Variants in OPHN1 observed in about 807,000 individuals in gnomAD.
OPHN1 encodes the protein oligophrenin 1, also known as oligophrenin-1.
A neutral mutation model predicts 60.7 loss-of-function variants in OPHN1; 11 were observed. The observed-to-expected ratio is 0.18, with a 90% CI of 0.11 to 0.30. The LOEUF (loss-of-function observed/expected upper bound fraction) is 0.30, where lower values mean the gene tolerates loss of function less well. OPHN1 is among the 10% of genes least tolerant of loss of function. The pLI is 1.00. For synonymous variants in OPHN1, 226 were observed against 222.6 expected (o/e 1.02, Z -0.14); for missense variants, 449 against 611.0 (o/e 0.73, Z 2.80).
At chrX:68,325,440 T>C (rs1467819555) in intron 2 of OPHN1, among the ~76,000 whole-genome samples, 1 of 104,140 alleles carries the variant, frequency 9.6e-6, no homozygotes, top group Admixed American at 1.1e-4. Context: ...TCACAAACTA[T>C]TGAAAAAAGT....
At chrX:68,131,766 G>A (rs1014652994) in intron 15 of OPHN1, among the ~76,000 whole-genome samples, 2 of 111,509 alleles carry the variant, frequency 1.8e-5, no homozygotes, top group African/African-American at 3.3e-5. Context: ...TTTATGTCCC[G>A]GTAATAGAGA....
At chrX:68,256,506 C>G (rs2077864353) in intron 5 of OPHN1, among the ~76,000 whole-genome samples, 1 of 111,530 alleles carries the variant, frequency 9.0e-6, no homozygotes, top group South Asian at 3.8e-4. Flanking sequence ...ACCAAAGTCC[C>G]TGGAATCTTA....
intron 6 of OPHN1, among the ~76,000 whole-genome samples, chrX:68,234,037 G>A (rs1189304270): frequency 1.1e-5 from 1 of 89,930 alleles, no homozygotes; most frequent in East Asian, 3.6e-4. Context: ...TGAAGGCACT[G>A]CAAGTCCCAG....
intron 2 of OPHN1, among the ~76,000 whole-genome samples, chrX:68,423,938 G>A: frequency 9.0e-6 from 1 of 111,432 alleles, no homozygotes; most frequent in South Asian, 3.7e-4. Flanking sequence ...AGGCCGAGGT[G>A]GGCTGATCAC....
At chrX:68,101,154 T>C (rs2077057195) in intron 18 of OPHN1, among the ~76,000 whole-genome samples, 1 of 112,267 alleles carries the variant, frequency 8.9e-6, no homozygotes, top group Non-Finnish European at 1.9e-5. Flanking sequence ...ATGTCATGAA[T>C]TTCATCAGTC....
chrX:68,058,617 C>T (rs1026799197), intron 21 of OPHN1, among the ~76,000 whole-genome samples: 76 of 111,765 alleles, frequency 6.8e-4, no homozygotes, highest in African/African-American at 2.4e-3. Flanking sequence ...TCTCAAAGGG[C>T]CTCGAATACA....
chrX:68,336,184 A>T (rs905843659), intron 2 of OPHN1, among the ~76,000 whole-genome samples: 34 of 109,901 alleles, frequency 3.1e-4, no homozygotes, highest in Admixed American at 2.7e-3. Context: ...TAATTAATTA[A>T]TTTTTTTAAA....
At chrX:68,223,905 A>G (rs1202201677) in intron 6 of OPHN1, among the ~76,000 whole-genome samples, 1 of 111,641 alleles carries the variant, frequency 9.0e-6, no homozygotes, top group Non-Finnish European at 1.9e-5. Context: ...CTAAGAAGAC[A>G]TAACAATTCT....
In OPHN1 at chrX:68,106,104, A is replaced by AAGAG. The variant is rs35438846; in HGVS notation, c.1526+5746_1526+5749dup. Reference sequence around the variant, plus strand: ...GAGAAAAAGAGGGAGAGAGAGAGAGAAGAGAGAGAGAGAGAGAGAGATCCG... The same window carrying AAGAG: ...GAGAAAAAGAGGGAGAGAGAGAGAGAAGAGAGAGAGAGAGAGAGAGAGAGATCCG... On this transcript the variant is annotated intron_variant, in intron 18 of 24. Transcript: ENST00000355520. 2.5e-3 allele frequency among the ~76,000 whole-genome samples: 242 copies of AAGAG among 96,402 alleles called. 1 individual carries two copies. Among genetic ancestry groups the AAGAG allele is most frequent in the African/African-American group, 8.6e-3 (217 of 25,311 alleles). The allele number at this position is 96,402 out of a possible 115,157, so 83.7% of individuals were successfully genotyped here.
At chrX:68,145,945 G>T (rs2077262104) in intron 15 of OPHN1, among the ~76,000 whole-genome samples, 2 of 111,314 alleles carry the variant, frequency 1.8e-5, no homozygotes, top group East Asian at 5.7e-4. Flanking sequence ...TTAGCTTATT[G>T]TCTACAGCTG....
chrX:68,431,372 C>T (rs2078884836), intron 2 of OPHN1, among the ~76,000 whole-genome samples: 1 of 112,249 alleles, frequency 8.9e-6, no homozygotes, highest in African/African-American at 3.2e-5. Flanking sequence ...ATCAGAAGGG[C>T]TGCACAAGAA....
At chrX:68,378,254 C>G (rs1373182419) in intron 2 of OPHN1, among the ~76,000 whole-genome samples, 1 of 112,043 alleles carries the variant, frequency 8.9e-6, no homozygotes, top group Admixed American at 9.5e-5. Flanking sequence ...TGTTCATATC[C>G]TTCACCCACT....
intron 2 of OPHN1, among the ~76,000 whole-genome samples, chrX:68,426,147 A>G (rs1190787644): frequency 9.0e-6 from 1 of 111,144 alleles, no homozygotes; most frequent in Non-Finnish European, 1.9e-5. Context: ...TTCTTTTAAA[A>G]CATAAGTTTT....
intron 6 of OPHN1, among the ~76,000 whole-genome samples, chrX:68,226,395 G>C (rs1042906862): frequency 2.7e-5 from 3 of 110,543 alleles, no homozygotes; most frequent in South Asian, 3.9e-4. Flanking sequence ...CAAAGATACT[G>C]CTTGAGAAGA....
chrX:68,175,240 C>T (rs1044836956), intron 15 of OPHN1, among the ~76,000 whole-genome samples: 4 of 111,225 alleles, frequency 3.6e-5, no homozygotes, highest in African/African-American at 9.8e-5. Context: ...CAAATTTATA[C>T]TGCATACCTA....
chrX:68,337,528 G>GT (rs758596648), intron 2 of OPHN1, among the ~76,000 whole-genome samples: 4 of 110,264 alleles, frequency 3.6e-5, no homozygotes, highest in African/African-American at 1.3e-4. Flanking sequence ...TTAATTTTTG[G>GT]TTTTTTTTCT....
chrX:68,049,007 C>T (rs1334487991), intron 23 of OPHN1, among the ~76,000 whole-genome samples: 1 of 111,324 alleles, frequency 9.0e-6, no homozygotes, highest in Non-Finnish European at 1.9e-5. Context: ...TTCTGTTTTT[C>T]TCTTCTCTCC....
intron 2 of OPHN1, among the ~76,000 whole-genome samples, chrX:68,357,917 C>T (rs2078450475): frequency 9.1e-6 from 1 of 109,316 alleles, no homozygotes; most frequent in African/African-American, 3.3e-5. Context: ...CCAAAATAGG[C>T]CAGAAAAGTT....
intron 2 of OPHN1, among the ~76,000 whole-genome samples, chrX:68,357,811 C>A (rs971734147): frequency 1.6e-4 from 18 of 110,597 alleles, no homozygotes; most frequent in African/African-American, 5.3e-4. Flanking sequence ...AGTTCTAGAT[C>A]CCTGAGGAAT....
Sources: allele counts gnomAD v4.1 joint callset (sites outside exome capture counted in the v4.1 genomes callset), GRCh38; gene constraint gnomAD v4.1.1; transcripts MANE v1.5; gene names NCBI Gene and HGNC (gene_info 2026-07-23, HGNC 2026-07-21).